The following COBL variants were observed in gnomAD, a reference collection of about 807,000 sequenced individuals.
COBL encodes protein cordon-bleu.
COBL carries 51 observed loss-of-function variants against 98.8 expected under a neutral mutation model. That is an observed-to-expected ratio of 0.52 (90% confidence interval 0.41 to 0.65). The LOEUF is 0.65. Ranked by LOEUF, COBL falls within the 30% of genes least tolerant of loss-of-function variation. The probability of loss-of-function intolerance (pLI) is 0.00; values close to 1 mark genes in which losing one functional copy is unlikely to be tolerated. For missense variants in COBL, 1,617 were observed against 1,617.5 expected (o/e 1.00, Z 0.01); for synonymous variants, 634 against 651.7 (o/e 0.97, Z 0.41).
At chr7:51,023,302 G>C (rs1371359069) in intron 12 of COBL, among the ~76,000 whole-genome samples, 1 of 152,228 alleles carries the variant, frequency 6.6e-6, no homozygotes, top group Non-Finnish European at 1.5e-5. Flanking sequence ...AGAGCCTTAA[G>C]TAATTTCTAA....
intron 6 of COBL, among the ~76,000 whole-genome samples, chr7:51,112,269 A>G (rs957723877): frequency 4.6e-5 from 7 of 152,202 alleles, no homozygotes; most frequent in Non-Finnish European, 5.9e-5. Flanking sequence ...TCACTGATGG[A>G]AATTGTATTG....
intron 7 of COBL, chr7:51,073,184 C>A (rs1427363907): frequency 7.3e-6 from 3 of 409,930 alleles, no homozygotes; most frequent in African/African-American, 2.0e-5. Flanking sequence ...TCAAACAAAT[C>A]TCTGTTATTA....
At chr7:51,083,767 G>A (rs1793914705) in intron 7 of COBL, among the ~76,000 whole-genome samples, 1 of 152,158 alleles carries the variant, frequency 6.6e-6, no homozygotes, top group Non-Finnish European at 1.5e-5. Flanking sequence ...TTGTTTTGAA[G>A]AATGTCCTGA....
At chr7:51,296,047 C>T (rs1801393186) in intron 1 of COBL, among the ~76,000 whole-genome samples, 1 of 152,114 alleles carries the variant, frequency 6.6e-6, no homozygotes, top group African/African-American at 2.4e-5. Context: ...TAAGCCCCAC[C>T]CTACAAGTAG....
chr7:51,027,689 GC>G, intron 10 of COBL, 22 bp downstream of exon 10: 1 of 1,589,136 alleles, frequency 6.3e-7, no homozygotes, highest in Non-Finnish European at 8.6e-7. Flanking sequence ...TGGAAGGCCT[GC>G]CCCGGAAGCC....
At chr7:51,267,973 T>C (rs770876860) in intron 1 of COBL, among the ~76,000 whole-genome samples, 24 of 152,210 alleles carry the variant, frequency 1.6e-4, no homozygotes, top group Non-Finnish European at 2.9e-4. Context: ...CGGGGGCCTG[T>C]ACCTCCACTT....
chr7:51,051,967 T>G (rs779775107), intron 7 of COBL, among the ~76,000 whole-genome samples: 4 of 152,226 alleles, frequency 2.6e-5, no homozygotes, highest in Non-Finnish European at 5.9e-5. Flanking sequence ...TATGCCACTG[T>G]CATGGGCTTT....
intron 2 of COBL, among the ~76,000 whole-genome samples, chr7:51,209,016 CTCT>C (rs1792122384): frequency 6.8e-6 from 1 of 146,166 alleles, no homozygotes; most frequent in South Asian, 2.2e-4. Flanking sequence ...CCAAATCCCC[CTCT>C]GTGAGAAACA....
At chr7:51,235,897 C>T (rs1385939317) in intron 1 of COBL, among the ~76,000 whole-genome samples, 4 of 152,204 alleles carry the variant, frequency 2.6e-5, no homozygotes, top group Admixed American at 1.3e-4. Context: ...AGAGGGCCCC[C>T]ACCATTCACA....
rs867404592 is a variant in COBL, at chr7:51,316,513, C to T, written c.41+80G>A. ...GGGGCGGCAGAGAGGGCGCCCTGCC[C>T]GGGAGCGCGCGGTGCGGACGCGGGC... On this transcript the variant is annotated intron_variant, in intron 1 of 12. Transcript: ENST00000265136. 1.1e-5 allele frequency: 12 copies of T among 1,089,872 alleles called. No individual in the cohort carries two copies. In the East Asian group the frequency reaches 2.9e-4, roughly 26 times the overall value. The allele number at this position is 1,089,872 out of a possible 1,614,324, so 67.5% of individuals were successfully genotyped here. A position where few individuals can be genotyped will look rare whatever the true frequency, so the allele number is the denominator to read the frequency against.
rs1156366235 is a variant in COBL at position 51,190,824 on chromosome 7, G to A, written c.685+26C>T. The stretch of plus-strand genomic sequence containing the variant: ...CGCGCATCCGTGTGATTATGGGCAG[G>A]TGCGTGAGACGCAGCGGGGCCTCAC... On this transcript the variant is annotated intron_variant, in intron 4 of 12. Transcript: ENST00000265136. 5 of 1,586,266 alleles carry A rather than the reference G, an allele frequency of 3.2e-6. No homozygotes were observed. In the Middle Eastern group the frequency reaches 5.0e-4, roughly 158 times the overall value.
chr7:51,225,072 C>T (rs980750165), intron 1 of COBL, among the ~76,000 whole-genome samples: 1 of 152,192 alleles, frequency 6.6e-6, no homozygotes, highest in East Asian at 1.9e-4. Context: ...GCTTGTTCCC[C>T]ATTGTCTGTT....
At chr7:51,273,327 CA>C (rs953811880) in intron 1 of COBL, among the ~76,000 whole-genome samples, 1,270 of 59,476 alleles carry the variant, frequency 0.021, 13 homozygotes, top group African/African-American at 0.051. Flanking sequence ...GACTCCATCT[CA>C]AAAAAAAAAA....
chr7:51,110,428 A>G (rs185288334), intron 6 of COBL, among the ~76,000 whole-genome samples: 20 of 152,286 alleles, frequency 1.3e-4, no homozygotes, highest in Admixed American at 1.2e-3. Flanking sequence ...TGTCGCTGTA[A>G]ATGACAGGAT....
At chr7:51,201,321 G>A (rs188753434) in intron 2 of COBL, among the ~76,000 whole-genome samples, 1 of 151,568 alleles carries the variant, frequency 6.6e-6, no homozygotes, top group African/African-American at 2.4e-5. Flanking sequence ...AATAAAATAG[G>A]GTTTAAGTCA....
chr7:51,109,853 G>A (rs1458750500), intron 6 of COBL, among the ~76,000 whole-genome samples: 3 of 152,172 alleles, frequency 2.0e-5, no homozygotes, highest in African/African-American at 7.2e-5. Flanking sequence ...GCAGCCACAT[G>A]TTTCCGTGGC....
intron 2 of COBL, among the ~76,000 whole-genome samples, chr7:51,211,656 T>G (rs963930914): frequency 1.3e-5 from 2 of 152,188 alleles, no homozygotes; most frequent in African/African-American, 4.8e-5. Context: ...TTAGACCCTT[T>G]CAAAGCAACA....
At chr7:51,196,689 G>C (rs1464635289) in intron 2 of COBL, among the ~76,000 whole-genome samples, 1 of 151,402 alleles carries the variant, frequency 6.6e-6, no homozygotes, top group South Asian at 2.1e-4. Flanking sequence ...ATTTATTACT[G>C]ATTCTATTTC....
At chr7:51,082,422 C>T (rs1280862691) in intron 7 of COBL, among the ~76,000 whole-genome samples, 1 of 152,166 alleles carries the variant, frequency 6.6e-6, no homozygotes, top group Non-Finnish European at 1.5e-5. Context: ...GGAATGCTAT[C>T]TCTACTTACT....
Sources: gnomAD v4.1 joint callset for allele counts (sites outside exome capture counted in the v4.1 genomes callset) on GRCh38, gnomAD v4.1.1 for gene constraint, MANE v1.5 for transcripts, NCBI Gene and HGNC (gene_info 2026-07-23, HGNC 2026-07-21) for gene names.